SPOCK1: variants seen among roughly 807,000 people sequenced by gnomAD.
SPOCK1 encodes testican-1.
SPOCK1 carries 23 observed loss-of-function variants against 55.3 expected under a neutral mutation model. The observed-to-expected ratio is 0.42, with a 90% confidence interval of 0.30 to 0.59. The LOEUF (loss-of-function observed/expected upper bound fraction) is 0.59, where lower values mean the gene tolerates loss of function less well. SPOCK1 is among the 20% of genes least tolerant of loss of function. SPOCK1 has a pLI of 0.22. For synonymous variants in SPOCK1, 226 were observed against 221.0 expected (o/e 1.02, Z -0.20); for missense variants, 499 against 552.5 (o/e 0.90, Z 0.97).
intron 2 of SPOCK1, among the ~76,000 whole-genome samples, chr5:137,293,941 C>T (rs886216230): frequency 2.6e-5 from 4 of 152,108 alleles, no homozygotes; most frequent in Non-Finnish European, 5.9e-5. Context: ...GGCATGAACC[C>T]GGGAGGCGGA....
chr5:137,127,536 C>T (rs1412553074), intron 4 of SPOCK1, among the ~76,000 whole-genome samples: 2 of 152,228 alleles, frequency 1.3e-5, no homozygotes, highest in African/African-American at 4.8e-5. Context: ...TACCCCTACC[C>T]CAGTGGGTCT....
chr5:137,302,358 A>T (rs1239183953), intron 2 of SPOCK1, among the ~76,000 whole-genome samples: 1 of 151,390 alleles, frequency 6.6e-6, no homozygotes, highest in Non-Finnish European at 1.5e-5. Context: ...TCACAAGGTC[A>T]GGAGATTGAG....
At chr5:136,997,646 C>T (rs1233233132) in intron 6 of SPOCK1, among the ~76,000 whole-genome samples, 2 of 152,214 alleles carry the variant, frequency 1.3e-5, no homozygotes, top group African/African-American at 4.8e-5. Context: ...CCGACATGCT[C>T]TTCTATTGGG....
chr5:137,252,224 C>A (rs866719712), intron 3 of SPOCK1, among the ~76,000 whole-genome samples: 2 of 152,180 alleles, frequency 1.3e-5, no homozygotes, highest in Non-Finnish European at 2.9e-5. Context: ...CTGTGCCCAG[C>A]CTAATTCACT....
chr5:137,451,015 C>T (rs988366819), intron 2 of SPOCK1, among the ~76,000 whole-genome samples: 4 of 152,126 alleles, frequency 2.6e-5, no homozygotes, highest in Non-Finnish European at 5.9e-5. Context: ...CTGCTCAAAG[C>T]TCCTCAGTCT....
intron 2 of SPOCK1, among the ~76,000 whole-genome samples, chr5:137,351,372 A>G (rs1046139767): frequency 6.6e-6 from 1 of 152,230 alleles, no homozygotes; most frequent in Non-Finnish European, 1.5e-5. Context: ...TGGTTGTATC[A>G]TCTACAGCTG....
At chr5:137,298,785 T>C (rs1454859678) in intron 2 of SPOCK1, among the ~76,000 whole-genome samples, 3 of 152,230 alleles carry the variant, frequency 2.0e-5, no homozygotes, top group Non-Finnish European at 4.4e-5. Context: ...TAAGGTCTAT[T>C]ATCTGATATT....
chr5:137,430,266 T>C (rs1467924439), intron 2 of SPOCK1, among the ~76,000 whole-genome samples: 1 of 152,204 alleles, frequency 6.6e-6, no homozygotes, highest in Non-Finnish European at 1.5e-5. Flanking sequence ...AACCTACCTA[T>C]AGCATTATTA....
At chr5:137,025,304 A>C (rs1222132023) in intron 6 of SPOCK1, among the ~76,000 whole-genome samples, 5 of 152,094 alleles carry the variant, frequency 3.3e-5, no homozygotes, top group Admixed American at 2.6e-4. Context: ...GAGCACAATG[A>C]AATTTTTTCA....
At chr5:137,458,648 G>T (rs1275451638) in intron 2 of SPOCK1, among the ~76,000 whole-genome samples, 1 of 152,138 alleles carries the variant, frequency 6.6e-6, no homozygotes, top group Non-Finnish European at 1.5e-5. Flanking sequence ...TAGAGTAAGG[G>T]TTCCATTTCT....
intron 3 of SPOCK1, among the ~76,000 whole-genome samples, chr5:137,160,621 ATTTT>A (rs1754529046): frequency 2.6e-5 from 2 of 77,486 alleles, no homozygotes; most frequent in Admixed American, 4.2e-4. Context: ...TATAATATAT[ATTTT>A]ATATAATATA....
intron 2 of SPOCK1, among the ~76,000 whole-genome samples, chr5:137,464,344 A>G (rs1254971672): frequency 6.6e-5 from 10 of 152,136 alleles, no homozygotes; most frequent in Admixed American, 6.6e-4. Flanking sequence ...GAAGGGATGG[A>G]TACTCAATTT....
chr5:137,462,724 C>G (rs1487342324), intron 2 of SPOCK1, among the ~76,000 whole-genome samples: 1 of 152,158 alleles, frequency 6.6e-6, no homozygotes, highest in Non-Finnish European at 1.5e-5. Context: ...ACTAATTGCT[C>G]TTATTTCAGA....
At chr5:137,308,550 C>T (rs1039560446) in intron 2 of SPOCK1, among the ~76,000 whole-genome samples, 2 of 152,254 alleles carry the variant, frequency 1.3e-5, no homozygotes, top group Non-Finnish European at 2.9e-5. Context: ...GACAGCATAT[C>T]TGCGGTTCCA....
At chr5:137,446,352 G>A (rs4246793) in intron 2 of SPOCK1, among the ~76,000 whole-genome samples, 109,399 of 152,034 alleles carry the variant, frequency 0.72, 39,639 homozygotes, top group East Asian at 0.89. Context: ...GACAGAGTTT[G>A]GATCTCCAGA....
intron 4 of SPOCK1, among the ~76,000 whole-genome samples, chr5:137,131,987 A>ATATAT (rs1194668234): frequency 9.9e-5 from 4 of 40,294 alleles, no homozygotes; most frequent in Non-Finnish European, 1.5e-4. Context: ...AAAAAAAAAA[A>ATATAT]AAATATATAT....
At chr5:136,992,674 G>T in intron 6 of SPOCK1, 74 bp from the exon 7 acceptor site, 1 of 1,228,932 alleles carries the variant, frequency 8.1e-7, no homozygotes, top group Non-Finnish European at 1.2e-6. Flanking sequence ...TACTGGCAAA[G>T]CCACGTTCAA....
chr5:137,046,451 G>T (rs1411879008), intron 6 of SPOCK1, among the ~76,000 whole-genome samples: 1 of 152,054 alleles, frequency 6.6e-6, no homozygotes, highest in South Asian at 2.1e-4. Context: ...CCTGTTATTG[G>T]TGTATAAGAA....
At chr5:137,100,536 A>C (rs559904647) in intron 5 of SPOCK1, among the ~76,000 whole-genome samples, 1 of 152,306 alleles carries the variant, frequency 6.6e-6, no homozygotes, top group Admixed American at 6.5e-5. Context: ...GGAGAAGAGA[A>C]AGCAAAGAAA....
Sources: gnomAD v4.1 joint callset for allele counts (sites outside exome capture counted in the v4.1 genomes callset) on GRCh38, gnomAD v4.1.1 for gene constraint, MANE v1.5 for transcripts, NCBI Gene and HGNC (gene_info 2026-07-23, HGNC 2026-07-21) for gene names.